The following NTSR1 variants were observed in gnomAD, a reference collection of about 807,000 sequenced individuals.
NTSR1 encodes the protein neurotensin receptor type 1.
A neutral mutation model predicts 31.2 loss-of-function variants in NTSR1; 29 were observed. That is an observed-to-expected ratio of 0.93 (90% CI 0.69 to 1.27). NTSR1 has a LOEUF of 1.27. Ranked by LOEUF, NTSR1 falls within the 50% of genes most tolerant of loss-of-function variation. NTSR1 has a pLI of 0.00. For missense variants in NTSR1, 697 were observed against 595.4 expected (o/e 1.17, Z -1.78); for synonymous variants, 282 against 269.9 (o/e 1.04, Z -0.44).
Position 62,743,519 on chromosome 20 carries a change from G to A in NTSR1, c.715-11166G>A, listed in dbSNP as rs936951563. On this transcript the variant is annotated intron_variant, in intron 1 of 3. Coordinates refer to ENST00000370501, the MANE Select transcript of NTSR1 (RefSeq NM_002531.3). The surrounding 1 kb of genome is among the most constrained non-coding windows in gnomAD (Gnocchi z 7.5). ...CTGCTGGGGCTGGTCATCTGCTCAG[G>A]GAGAGGGCGATCCCCTGCCAGCCCA... 6.6e-6 allele frequency among the ~76,000 whole-genome samples: 1 copy of A among 152,172 alleles called. No individual in the cohort carries two copies. The highest frequency in any genetic ancestry group is 1.5e-5 in the Non-Finnish European group (1 of 68,024).
intron 3 of NTSR1, 115 bp from the exon 4 acceptor site, chr20:62,759,903 T>C: frequency 9.9e-7 from 1 of 1,008,952 alleles, no homozygotes; most frequent in Non-Finnish European, 1.5e-6. Flanking sequence ...TCAAGGGGTG[T>C]TTTAATTAGC....
At chr20:62,739,427 G>T (rs567150187) in intron 1 of NTSR1, among the ~76,000 whole-genome samples, 2 of 151,494 alleles carry the variant, frequency 1.3e-5, no homozygotes, top group Non-Finnish European at 3.0e-5. Context: ...GTGGAGATCT[G>T]GGGTTAAGCC....
Position 62,741,066 on chromosome 20 carries a change from C to T in NTSR1, c.715-13619C>T, listed in dbSNP as rs1288755190. On this transcript the variant is annotated intron_variant, in intron 1 of 3. Coordinates refer to ENST00000370501, the MANE Select transcript of NTSR1 (RefSeq NM_002531.3). The surrounding 1 kb of genome is among the most constrained non-coding windows in gnomAD (Gnocchi z 4.3). ...CGGGGCTGAGGGCCAGGGGCCTCCC[C>T]TCCTCCTGTCCTGGAGGGCACCTGC... Among the ~76,000 whole-genome samples, 5 of 152,218 alleles carry T rather than the reference C, an allele frequency of 3.3e-5. No individual in the cohort carries two copies. The highest frequency in any genetic ancestry group is 1.3e-4 in the Admixed American group (2 of 15,292).
chr20:62,709,663 C>G lies in NTSR1; in HGVS notation c.456C>G (p.Thr152=). ...ACTACTTCCTGCGCGACGCCTGCAC[C>G]TACGCCACGGCCCTCAACGTGGCCA... is the stretch of plus-strand genomic sequence containing the variant. ...RGYYFLRDAC[T]YATALNVASL... The change falls in exon 1 of 4, where the codon ACC becomes ACG. Residue 152 remains threonine (T), a synonymous_variant. Coordinates refer to ENST00000370501, the MANE Select transcript of NTSR1 (RefSeq NM_002531.3). The G allele has an allele frequency of 6.2e-7, 1 of 1,612,714 alleles. No individual in the cohort carries two copies. Among genetic ancestry groups the G allele is most frequent in the Non-Finnish European group, 8.5e-7 (1 of 1,179,906 alleles).
chr20:62,759,556 C>T (rs1336673205), intron 3 of NTSR1, among the ~76,000 whole-genome samples: 1 of 151,708 alleles, frequency 6.6e-6, no homozygotes, highest in African/African-American at 2.4e-5. Flanking sequence ...GGGTGGATCA[C>T]GAGGTCAGGA....
At position 62,760,105 on chromosome 20, in the gene NTSR1, C is replaced by A; in HGVS notation, c.1095C>A (p.Asn365Lys). 1 of 1,614,204 alleles carries A rather than the reference C, an allele frequency of 6.2e-7. No homozygotes were observed. The highest frequency in any genetic ancestry group is 1.1e-5 in the South Asian group (1 of 91,090). The change falls in exon 4 of 4, where the codon AAC (asparagine) becomes AAA (lysine). Residue 365 changes from asparagine (N) to lysine (K), a missense_variant. By Grantham distance (94) the Asn-to-Lys change is moderately conservative (BLOSUM62 0). Transcript: ENST00000370501. ...VSSTINPILY[N>K]LVSANFRHIF... ...CCACCATCAACCCCATCCTGTACAA[C>A]CTCGTCTCTGCCAACTTCCGCCACA... is the stretch of plus-strand genomic sequence containing the variant.
At chr20:62,753,550 G>A (rs1186427530) in intron 1 of NTSR1, among the ~76,000 whole-genome samples, 1 of 152,216 alleles carries the variant, frequency 6.6e-6, no homozygotes, top group Non-Finnish European at 1.5e-5. Context: ...AAGCTTCTTG[G>A]AATCAGAAAT....
chr20:62,734,598 G>C lies in NTSR1; in HGVS notation c.715-20087G>C, dbSNP rs1377719649. On this transcript the variant is annotated intron_variant, in intron 1 of 3. Transcript: ENST00000370501. ...AGCAGGCGCTGGTGTGCCTGGCCCA[G>C]GTGGCTTCCCATAAAAGCTGCAGGC... Among the ~76,000 whole-genome samples the C allele has an allele frequency of 3.9e-5, 6 of 152,244 alleles. No individual in the cohort carries two copies. In the East Asian group the frequency reaches 1.2e-3, roughly 29 times the overall value.
chr20:62,737,266 G>A (rs1339573346), intron 1 of NTSR1, among the ~76,000 whole-genome samples: 1 of 151,986 alleles, frequency 6.6e-6, no homozygotes, highest in African/African-American at 2.4e-5. Flanking sequence ...TGCTATGGCT[G>A]TGTTGGCCAC....
chr20:62,754,951 T>C, intron 2 of NTSR1, 65 bp downstream of exon 2: 1 of 1,437,612 alleles, frequency 7.0e-7, no homozygotes, highest in East Asian at 2.4e-5. Context: ...CAGCGAGCGC[T>C]GAACCACCCC....
intron 1 of NTSR1, among the ~76,000 whole-genome samples, chr20:62,726,442 C>A (rs1202378576): frequency 1.3e-5 from 2 of 152,146 alleles, no homozygotes; most frequent in Admixed American, 6.5e-5. Flanking sequence ...AAAGGAAACC[C>A]AAGAGGCACC....
Position 62,741,553 on chromosome 20 carries a change from C to T in NTSR1, c.715-13132C>T, listed in dbSNP as rs570128517. 1.3e-4 allele frequency among the ~76,000 whole-genome samples: 20 copies of T among 149,686 alleles called. 1 individual carries two copies. Among genetic ancestry groups the T allele is most frequent in the South Asian group, 4.2e-4 (2 of 4,736 alleles). ...ATGTTCCTCCCACCCCATGTCTGTG[C>T]GCCCCTTCGAGCATGCCTGGGCATT... On this transcript the variant is annotated intron_variant, in intron 1 of 3. Coordinates refer to ENST00000370501, the MANE Select transcript of NTSR1 (RefSeq NM_002531.3). The surrounding 1 kb of genome is among the most constrained non-coding windows in gnomAD (Gnocchi z 4.3).
At chr20:62,738,921 C>T (rs2147141656) in intron 1 of NTSR1, among the ~76,000 whole-genome samples, 1 of 152,342 alleles carries the variant, frequency 6.6e-6, no homozygotes, top group East Asian at 1.9e-4. Context: ...AGGCCAAAAT[C>T]CTGGGCTGCC....
rs1989213205 is a variant in NTSR1 at position 62,741,876 on chromosome 20, A to G, written c.715-12809A>G. Among the ~76,000 whole-genome samples the G allele has an allele frequency of 6.7e-6, 1 of 149,292 alleles. No individual in the cohort carries two copies. The highest frequency in any genetic ancestry group is 2.1e-4 in the South Asian group (1 of 4,762). On this transcript the variant is annotated intron_variant, in intron 1 of 3. Transcript: ENST00000370501. This position sits in a 1 kb window ranked among gnomAD's most constrained non-coding sequence, Gnocchi z 4.3. ...GATGGCCCCTGATGGAGGAAGTGGG[A>G]GCTCAGGCTGTGGGATCAGGCCCCT...
Position 62,760,698 on chromosome 20 carries a change from C to G in NTSR1, c.*431C>G, listed in dbSNP as rs1481407319. 2.4e-5 allele frequency: 4 copies of G among 163,598 alleles called. No individual in the cohort carries two copies. The highest frequency in any genetic ancestry group is 9.6e-5 in the African/African-American group (4 of 41,730). 10.1% of individuals were successfully genotyped at this position (163,598 alleles called of 1,614,324 possible). ...TCCACATCTCTGAGGCCTGCACCCC[C>G]TCTGTCTAGCTCGGGGAGTCCAGCC... On this transcript the variant is annotated 3_prime_UTR_variant, in exon 4 of 4. Transcript: ENST00000370501.
chr20:62,732,390 G>A lies in NTSR1; in HGVS notation c.715-22295G>A, dbSNP rs1989014782. Among the ~76,000 whole-genome samples the A allele has an allele frequency of 6.6e-6, 1 of 152,216 alleles. No homozygotes were observed. Among genetic ancestry groups the A allele is most frequent in the African/African-American group, 2.4e-5 (1 of 41,454 alleles). On this transcript the variant is annotated intron_variant, in intron 1 of 3. Coordinates refer to ENST00000370501, the MANE Select transcript of NTSR1 (RefSeq NM_002531.3). The surrounding 1 kb of genome is among the most constrained non-coding windows in gnomAD (Gnocchi z 4.0). ...CTTGTGAAAGGTTTTTCTCACAGAT[G>A]GGTGTTGGGTTTTGGAAAATAGTTC... is the stretch of plus-strand genomic sequence containing the variant.
chr20:62,723,298 A>C (rs1010315176), intron 1 of NTSR1, among the ~76,000 whole-genome samples: 2 of 152,186 alleles, frequency 1.3e-5, no homozygotes, highest in African/African-American at 2.4e-5. Context: ...CAGCCGTGGG[A>C]TGCTGCTGTC....
At chr20:62,751,843 G>A (rs1020299036) in intron 1 of NTSR1, among the ~76,000 whole-genome samples, 5 of 152,310 alleles carry the variant, frequency 3.3e-5, no homozygotes, top group South Asian at 2.1e-4. Context: ...GCTGTCCAGC[G>A]CCATGCCTGG....
Position 62,720,036 on chromosome 20 carries a change from A to C in NTSR1, c.714+10115A>C, listed in dbSNP as rs1220042767. On this transcript the variant is annotated intron_variant, in intron 1 of 3. Coordinates refer to ENST00000370501, the MANE Select transcript of NTSR1 (RefSeq NM_002531.3). Reference sequence around the variant, plus strand: ...TCAAAGAAACCAGGTGTAGTGGTTCAGGCCTGTAATCCCAGCACCGTGGGA... The same window carrying C: ...TCAAAGAAACCAGGTGTAGTGGTTCCGGCCTGTAATCCCAGCACCGTGGGA... 2.0e-5 allele frequency among the ~76,000 whole-genome samples: 3 copies of C among 152,316 alleles called. No homozygotes were observed. The East Asian group carries it at 5.8e-4, about 29-fold the overall frequency.
Sources: gnomAD v4.1 joint callset for allele counts (sites outside exome capture counted in the v4.1 genomes callset) on GRCh38, gnomAD v4.1.1 for gene constraint, Gnocchi (gnomAD v3.1) non-coding constraint, MANE v1.5 for transcripts, NCBI Gene and HGNC (gene_info 2026-07-23, HGNC 2026-07-21) for gene names.